The following TMEM41B variants were observed in gnomAD, a reference collection of about 807,000 sequenced individuals.
TMEM41B encodes the protein transmembrane protein 41B, also known as protein stasimon.
TMEM41B carries 18 observed loss-of-function variants against 31.9 expected under a neutral mutation model. The ratio of observed to expected loss-of-function variants is 0.56; its 90% CI spans 0.39 to 0.84. TMEM41B has a LOEUF of 0.84. Ranked by LOEUF, TMEM41B falls within the 40% of genes least tolerant of loss-of-function variation. The pLI, the probability that TMEM41B is intolerant of heterozygous loss-of-function variation, is 0.00. For missense variants in TMEM41B, 322 were observed against 348.0 expected (o/e 0.93, Z 0.59); for synonymous variants, 144 against 124.3 (o/e 1.16, Z -1.05).
At chr11:9,287,837 G>C (rs1218249246) in intron 4 of TMEM41B, 31 bp from the exon 5 acceptor site, 1 of 1,510,614 alleles carries the variant, frequency 6.6e-7, no homozygotes, top group South Asian at 1.2e-5. Context: ...TAAGCGTTTT[G>C]TATTTTTCCG....
Position 9,283,453 on chromosome 11 carries a change from G to T in TMEM41B, c.847C>A (p.Gln283Lys). 1.3e-6 allele frequency: 2 copies of T among 1,595,768 alleles called. No homozygotes were observed. Among genetic ancestry groups the T allele is most frequent in the Admixed American group, 1.8e-5 (1 of 54,412 alleles). Residue 283 changes from glutamine (Q) to lysine (K), a missense_variant, in exon 7 of 7, where the codon CAA becomes AAA. Around this residue, in one of 3 missense-constraint regions of TMEM41B, gnomAD observed 92 missense variants for 88.0 expected, o/e 1.05. Coordinates refer to ENST00000528080, the MANE Select transcript of TMEM41B (RefSeq NM_015012.4). ...AVLSILPAIF[Q>K]KKLKQKFE ...TCAAATTTCTGCTTTAGTTTTTTTT[G>T]GAAGATGGCTGGCAGAATAGAAAGA...
chr11:9,295,449 T>A (rs901660352), intron 2 of TMEM41B, 62 bp from the exon 3 acceptor site: 7 of 923,096 alleles, frequency 7.6e-6, no homozygotes, highest in African/African-American at 5.1e-5. Context: ...CAAAGTCAAG[T>A]TCACAACATG....
chr11:9,283,372 T>C lies in TMEM41B; in HGVS notation c.*52A>G. On this transcript the variant is annotated 3_prime_UTR_variant, in exon 7 of 7. Coordinates refer to ENST00000528080, the MANE Select transcript of TMEM41B (RefSeq NM_015012.4). ...ATTTTAAAACATAAATGGATGCACC[T>C]GTTAATCCTGAGATGGTGATGACAG... The C allele has an allele frequency of 2.1e-6, 3 of 1,408,288 alleles. No individual in the cohort carries two copies. The highest frequency in any genetic ancestry group is 1.3e-5 in the South Asian group (1 of 77,318). 87.2% of individuals were successfully genotyped at this position (1,408,288 alleles called of 1,614,324 possible).
chr11:9,292,896 A>G (rs1382222231), intron 3 of TMEM41B, among the ~76,000 whole-genome samples: 2 of 152,084 alleles, frequency 1.3e-5, no homozygotes, highest in African/African-American at 2.4e-5. Flanking sequence ...AAGAGTTCCA[A>G]TTTCTCCACA....
intron 1 of TMEM41B, among the ~76,000 whole-genome samples, chr11:9,304,516 A>G (rs1335388629): frequency 6.6e-6 from 1 of 152,116 alleles, no homozygotes; most frequent in South Asian, 2.1e-4. Flanking sequence ...TCTGTTGCCC[A>G]GGCTGGAGTG....
In TMEM41B at chr11:9,283,411, C is replaced by G; in HGVS notation, c.*13G>C. On this transcript the variant is annotated 3_prime_UTR_variant, in exon 7 of 7. Transcript: ENST00000528080. ...TGGTGATGACAGCAAAACTAAAAAT[C>G]AGATGATTATTTTTACTCAAATTTC... The G allele has an allele frequency of 1.3e-6, 2 of 1,597,330 alleles. No individual in the cohort carries two copies. The highest frequency in any genetic ancestry group is 1.1e-5 in the South Asian group (1 of 88,520).
intron 2 of TMEM41B, among the ~76,000 whole-genome samples, chr11:9,296,646 C>G (rs898209912): frequency 6.7e-6 from 1 of 150,100 alleles, no homozygotes. Context: ...AAAAGAACCA[C>G]TGATGTTAGT....
intron 1 of TMEM41B, among the ~76,000 whole-genome samples, chr11:9,300,267 G>A (rs1853215578): frequency 6.6e-6 from 1 of 152,058 alleles, no homozygotes. Flanking sequence ...TTATTGATAA[G>A]CCAAAGGGGA....
chr11:9,294,192 A>C (rs1853025148), intron 3 of TMEM41B, among the ~76,000 whole-genome samples: 1 of 13,776 alleles, frequency 7.3e-5, no homozygotes, highest in Admixed American at 1.2e-3. Context: ...AAAAAAAAAA[A>C]AAAAAAAAAA....
At chr11:9,291,388 A>C (rs1401453164) in intron 3 of TMEM41B, among the ~76,000 whole-genome samples, 1 of 137,788 alleles carries the variant, frequency 7.3e-6, no homozygotes, top group African/African-American at 2.7e-5. Context: ...ATCTCAAAAA[A>C]ATTATAATAA....
rs1852715777 is a variant in TMEM41B, at chr11:9,281,394, C to T, written c.*2030G>A. On this transcript the variant is annotated 3_prime_UTR_variant, in exon 7 of 7. Coordinates refer to ENST00000528080, the MANE Select transcript of TMEM41B (RefSeq NM_015012.4). ...AAGGCCAGGTGACATAAGAATACTA[C>T]AATAATCAATATGTTTTCTTTGTAT... The T allele has an allele frequency of 6.6e-6, 1 of 152,120 alleles. No homozygotes were observed. The highest frequency in any genetic ancestry group is 6.6e-5 in the Admixed American group (1 of 15,262). 9.4% of individuals were successfully genotyped at this position (152,120 alleles called of 1,614,324 possible).
chr11:9,301,231 T>C (rs553896907), intron 1 of TMEM41B, among the ~76,000 whole-genome samples: 109 of 151,986 alleles, frequency 7.2e-4, no homozygotes, highest in African/African-American at 2.5e-3. Flanking sequence ...CCATCTCTAC[T>C]AAAAATACAA....
At chr11:9,286,872 T>C (rs4351820) in intron 5 of TMEM41B, among the ~76,000 whole-genome samples, 132,114 of 151,786 alleles carry the variant, frequency 0.87, 58,048 homozygotes, top group East Asian at 1. Context: ...TGGTGGCATG[T>C]GCCTGAAATC....
At chr11:9,308,987 C>T (rs1853465929) in intron 1 of TMEM41B, among the ~76,000 whole-genome samples, 1 of 152,100 alleles carries the variant, frequency 6.6e-6, no homozygotes. Context: ...GGGGCTAACA[C>T]CTATAATCCC....
At chr11:9,311,278 T>C in intron 1 of TMEM41B, 1 of 1,510,448 alleles carries the variant, frequency 6.6e-7, no homozygotes, top group Admixed American at 1.7e-5. Context: ...AGGGCCTGTA[T>C]TCAGTCAGAA....
chr11:9,308,717 T>C (rs944317717), intron 1 of TMEM41B, among the ~76,000 whole-genome samples: 8 of 152,154 alleles, frequency 5.3e-5, no homozygotes, highest in Admixed American at 5.2e-4. Flanking sequence ...CTTCTACATG[T>C]AGAATATGAA....
At chr11:9,299,807 T>A in intron 1 of TMEM41B, 106 bp from the exon 2 acceptor site, 1 of 841,684 alleles carries the variant, frequency 1.2e-6, no homozygotes, top group Non-Finnish European at 2.0e-6. Context: ...TGCTTTTGCC[T>A]AAAATGATGT....
intron 1 of TMEM41B, among the ~76,000 whole-genome samples, chr11:9,300,329 A>T (rs567276282): frequency 6.6e-6 from 1 of 152,134 alleles, no homozygotes; most frequent in Non-Finnish European, 1.5e-5. Context: ...TGTCAATTTC[A>T]TATTTCTATA....
At chr11:9,288,568 A>G (rs1852887533) in intron 3 of TMEM41B, 33 bp from the exon 4 acceptor site, 1 of 1,403,910 alleles carries the variant, frequency 7.1e-7, no homozygotes, top group Non-Finnish European at 9.7e-7. Flanking sequence ...TTAGAATATA[A>G]TTAAGTAGAA....
Sources: allele counts gnomAD v4.1 joint callset (sites outside exome capture counted in the v4.1 genomes callset), GRCh38; gene constraint gnomAD v4.1.1; regional missense constraint gnomAD v4.1.1; transcripts MANE v1.5; gene names NCBI Gene and HGNC (gene_info 2026-07-23, HGNC 2026-07-21).